EXOC5: variants seen among roughly 807,000 people sequenced by gnomAD.
EXOC5 encodes SEC10-like 1.
EXOC5 carries 17 observed loss-of-function variants against 90.8 expected under a neutral mutation model. That is an observed-to-expected ratio of 0.19 (90% CI 0.13 to 0.28). The LOEUF (loss-of-function observed/expected upper bound fraction) is 0.28. Among genes scored for constraint, EXOC5 ranks in the 10% least tolerant of loss-of-function variants. The pLI is 1.00. For synonymous variants in EXOC5, 260 were observed against 270.0 expected (o/e 0.96, Z 0.36); for missense variants, 569 against 830.6 (o/e 0.69, Z 3.87).
chr14:57,208,662 CG>C lies in EXOC5; in HGVS notation c.2073del (p.Phe691LeufsTer82), dbSNP rs1304986057. 6.2e-7 allele frequency: 1 copy of C among 1,611,260 alleles called. No homozygotes were observed. The highest frequency in any genetic ancestry group is 8.5e-7 in the Non-Finnish European group (1 of 1,178,884). ...GATCTATAATCAGCACGAAGTTGTA[CG>C]AAGGAGTGAAGTATATTCTTGTCCA... ...ANLDKNILHS[F>X]VQLRADYRSA... On this transcript the variant is annotated frameshift_variant, in exon 18 of 18. Transcript: ENST00000621441. LOFTEE classifies it high-confidence loss of function.
intron 1 of EXOC5, among the ~76,000 whole-genome samples, chr14:57,256,105 C>A (rs1884342274): frequency 6.6e-6 from 1 of 152,100 alleles, no homozygotes; most frequent in African/African-American, 2.4e-5. Flanking sequence ...ACTATAACTA[C>A]AAGTACTGCC....
intron 12 of EXOC5, among the ~76,000 whole-genome samples, chr14:57,224,215 C>G (rs1323144812): frequency 6.6e-6 from 1 of 151,458 alleles, no homozygotes; most frequent in Non-Finnish European, 1.5e-5. Flanking sequence ...AGCAGAATAA[C>G]AGAAGTAATA....
Position 57,208,270 on chromosome 14 carries a change from A to G in EXOC5, c.*339T>C, listed in dbSNP as rs1173889172. 3 of 189,332 alleles carry G rather than the reference A, an allele frequency of 1.6e-5. No individual in the cohort carries two copies. Among genetic ancestry groups the G allele is most frequent in the African/African-American group, 7.0e-5 (3 of 43,062 alleles). The allele number at this position is 189,332 out of a possible 1,614,324, so 11.7% of individuals were successfully genotyped here. On this transcript the variant is annotated 3_prime_UTR_variant, in exon 18 of 18. Transcript: ENST00000621441. Reference sequence around the variant, plus strand: ...AAATGGAATATGTTAAAAGTACAAGAACCGAAAACACTGGTAACATTTCCT... The same window carrying G: ...AAATGGAATATGTTAAAAGTACAAGGACCGAAAACACTGGTAACATTTCCT...
intron 5 of EXOC5, 41 bp from the exon 6 acceptor site, chr14:57,237,407 T>C (rs2139643453): frequency 7.1e-7 from 1 of 1,399,698 alleles, no homozygotes; most frequent in Non-Finnish European, 9.9e-7. Context: ...TTAGTTGTGA[T>C]AAACATCCTA....
Position 57,202,007 on chromosome 14 carries a change from AAG to A in EXOC5, c.*6600_*6601del, listed in dbSNP as rs1194560162. ...GGAGAAGCCTGGTAAATAGTACCTT[AAG>A]AAAGTGATAAAAATGAACATCATCA... On this transcript the variant is annotated 3_prime_UTR_variant, in exon 18 of 18. Transcript: ENST00000621441. 6.6e-6 allele frequency: 1 copy of A among 152,136 alleles called. No individual in the cohort carries two copies. Among genetic ancestry groups the A allele is most frequent in the Non-Finnish European group, 1.5e-5 (1 of 68,018 alleles). The allele number at this position is 152,136 out of a possible 1,614,324, so 9.4% of individuals were successfully genotyped here. A position where few individuals can be genotyped will look rare whatever the true frequency, so the allele number is the denominator to read the frequency against.
At chr14:57,263,544 G>A (rs952794862) in intron 1 of EXOC5, among the ~76,000 whole-genome samples, 4 of 151,502 alleles carry the variant, frequency 2.6e-5, no homozygotes, top group Admixed American at 1.3e-4. Context: ...GAGGCAGGTC[G>A]ATCATGAGGT....
At chr14:57,227,242 A>G (rs1476590434) in intron 12 of EXOC5, among the ~76,000 whole-genome samples, 1 of 152,158 alleles carries the variant, frequency 6.6e-6, no homozygotes, top group Non-Finnish European at 1.5e-5. Flanking sequence ...AACTAAAACT[A>G]TAATCAAATA....
At chr14:57,250,606 A>G (rs1239351128) in intron 1 of EXOC5, among the ~76,000 whole-genome samples, 1 of 152,192 alleles carries the variant, frequency 6.6e-6, no homozygotes. Context: ...GCTGGGTAAT[A>G]GATTCCTGGC....
intron 12 of EXOC5, among the ~76,000 whole-genome samples, chr14:57,223,958 A>C (rs1883227574): frequency 6.6e-6 from 1 of 152,220 alleles, no homozygotes; most frequent in African/African-American, 2.4e-5. Flanking sequence ...CATATTTCTA[A>C]ATCACGTTTG....
At chr14:57,262,745 G>GTGTGTATATATATACGTGTATATATA (rs146684239) in intron 1 of EXOC5, among the ~76,000 whole-genome samples, 2 of 147,034 alleles carry the variant, frequency 1.4e-5, no homozygotes, top group African/African-American at 5.1e-5. Context: ...ATATATGTGT[G>GTGTGTATATATATACGTGTATATATA]TGTGTATATA....
intron 4 of EXOC5, chr14:57,243,290 C>A (rs1182945912): frequency 1.3e-5 from 2 of 152,126 alleles, no homozygotes; most frequent in African/African-American, 2.4e-5. Flanking sequence ...TCTGTACACA[C>A]ATAACTATTT....
chr14:57,203,609 T>C lies in EXOC5; in HGVS notation c.*5000A>G, dbSNP rs1378809962. 1 of 152,608 alleles carries C rather than the reference T, an allele frequency of 6.6e-6. No homozygotes were observed. Among genetic ancestry groups the C allele is most frequent in the Non-Finnish European group, 1.5e-5 (1 of 68,028 alleles). 9.5% of individuals were successfully genotyped at this position (152,608 alleles called of 1,614,324 possible). ...TCCTACTTCCTTCCTTAACCCTCCATATTTCCTCCTATTAAGTCACTAGGC... is the reference window on the plus strand; with the variant it reads ...TCCTACTTCCTTCCTTAACCCTCCACATTTCCTCCTATTAAGTCACTAGGC... On this transcript the variant is annotated 3_prime_UTR_variant, in exon 18 of 18. Coordinates refer to ENST00000621441, the MANE Select transcript of EXOC5 (RefSeq NM_006544.4).
At chr14:57,246,098 T>C (rs572325577) in intron 3 of EXOC5, among the ~76,000 whole-genome samples, 1 of 151,812 alleles carries the variant, frequency 6.6e-6, no homozygotes, top group East Asian at 1.9e-4. Flanking sequence ...AGCCTGTGAA[T>C]GGGATTCAGA....
At chr14:57,225,243 C>T (rs1377824629) in intron 12 of EXOC5, among the ~76,000 whole-genome samples, 2 of 152,094 alleles carry the variant, frequency 1.3e-5, no homozygotes, top group Admixed American at 6.6e-5. Flanking sequence ...CTATAATTTA[C>T]CATATTAACA....
chr14:57,237,960 A>C (rs1417497375), intron 5 of EXOC5, among the ~76,000 whole-genome samples: 1 of 152,064 alleles, frequency 6.6e-6, no homozygotes, highest in South Asian at 2.1e-4. Context: ...CACGCAGTAG[A>C]ATTTTTTCAA....
At position 57,204,301 on chromosome 14, in the gene EXOC5, G is replaced by C. The variant is rs1463216815; in HGVS notation, c.*4308C>G. On this transcript the variant is annotated 3_prime_UTR_variant, in exon 18 of 18. Coordinates refer to ENST00000621441, the MANE Select transcript of EXOC5 (RefSeq NM_006544.4). Reference sequence around the variant, plus strand: ...TCAGGTTTCTGTCCCCTATACATTTGAACAGTTGTTTCCTCCCTAAATTTG... The same window carrying C: ...TCAGGTTTCTGTCCCCTATACATTTCAACAGTTGTTTCCTCCCTAAATTTG... 1.3e-5 allele frequency: 2 copies of C among 152,042 alleles called. No homozygotes were observed. The highest frequency in any genetic ancestry group is 2.9e-5 in the Non-Finnish European group (2 of 67,956). 9.4% of individuals were successfully genotyped at this position (152,042 alleles called of 1,614,324 possible).
rs1183697601 is a variant in EXOC5 at position 57,210,721 on chromosome 14, T to C, written c.1614-660A>G. On this transcript the variant is annotated intron_variant, in intron 15 of 17. Transcript: ENST00000621441. Reference sequence around the variant, plus strand: ...TTTATATGCTACCAATAAGCAATCATTTTCTTATACTCACTCACACATAAG... The same window carrying C: ...TTTATATGCTACCAATAAGCAATCACTTTCTTATACTCACTCACACATAAG... 2.0e-5 allele frequency among the ~76,000 whole-genome samples: 3 copies of C among 152,264 alleles called. No homozygotes were observed. In the East Asian group the frequency reaches 5.8e-4, roughly 29 times the overall value.
intron 1 of EXOC5, among the ~76,000 whole-genome samples, chr14:57,266,723 A>G (rs377399769): frequency 1.1e-4 from 12 of 106,320 alleles, no homozygotes; most frequent in East Asian, 2.4e-4. Context: ...ATATATGTGT[A>G]TGTGTGTGTG....
chr14:57,261,284 G>GCA (rs915098164), intron 1 of EXOC5, among the ~76,000 whole-genome samples: 5 of 152,168 alleles, frequency 3.3e-5, no homozygotes, highest in African/African-American at 9.6e-5. Flanking sequence ...ACACATGTGG[G>GCA]CACACACACA....
Sources: gnomAD v4.1 joint callset for allele counts (sites outside exome capture counted in the v4.1 genomes callset) on GRCh38, gnomAD v4.1.1 for gene constraint, MANE v1.5 for transcripts, NCBI Gene and HGNC (gene_info 2026-07-23, HGNC 2026-07-21) for gene names.